ST6GALNAC5: variants seen among roughly 807,000 people sequenced by gnomAD.
ST6GALNAC5 encodes alpha-N-acetylgalactosaminide alpha-2,6-sialyltransferase 5.
ST6GALNAC5 carries 27 observed loss-of-function variants against 33.6 expected under a neutral mutation model. That is an observed-to-expected ratio of 0.80 (90% confidence interval 0.59 to 1.11). The LOEUF (loss-of-function observed/expected upper bound fraction) is 1.11. Among genes scored for constraint, ST6GALNAC5 ranks in the 50% least tolerant of loss-of-function variants. The probability of loss-of-function intolerance (pLI) is 0.00; values close to 1 mark genes in which losing one functional copy is unlikely to be tolerated. For missense variants in ST6GALNAC5, 428 were observed against 454.0 expected (o/e 0.94, Z 0.52); for synonymous variants, 194 against 171.2 (o/e 1.13, Z -1.04).
rs1400574145 is a variant in ST6GALNAC5, at chr1:77,063,092, A to T, written c.897A>T (p.Thr299=). The change falls in exon 5 of 5, where the codon ACA becomes ACT. Residue 299 remains threonine (T), a synonymous_variant. Transcript: ENST00000477717. ...GRKGSHHRFI[T]EKRVFKNWAR... ...AGGGCAGTCATCACCGCTTTATCAC[A>T]GAGAAACGAGTCTTTAAGAACTGGG... is the stretch of plus-strand genomic sequence containing the variant. The T allele has an allele frequency of 3.1e-6, 5 of 1,613,840 alleles. No individual in the cohort carries two copies. In the African/African-American group the frequency reaches 6.7e-5, roughly 22 times the overall value.
chr1:76,913,053 G>A (rs576769496), intron 2 of ST6GALNAC5, among the ~76,000 whole-genome samples: 31 of 152,102 alleles, frequency 2.0e-4, no homozygotes, highest in African/African-American at 7.0e-4. Flanking sequence ...GCAGCGGCTG[G>A]TACCGTTTGT....
At chr1:76,973,739 G>A (rs535317581) in intron 2 of ST6GALNAC5, among the ~76,000 whole-genome samples, 2 of 151,930 alleles carry the variant, frequency 1.3e-5, no homozygotes, top group African/African-American at 4.8e-5. Context: ...TTTTTAATAG[G>A]TATATCTTAA....
At chr1:77,034,801 AG>A (rs1390148064) in intron 2 of ST6GALNAC5, among the ~76,000 whole-genome samples, 3 of 152,140 alleles carry the variant, frequency 2.0e-5, no homozygotes, top group Non-Finnish European at 4.4e-5. Context: ...TTACACTTCT[AG>A]GTTGCAACTT....
At chr1:77,016,296 C>T (rs996756155) in intron 2 of ST6GALNAC5, among the ~76,000 whole-genome samples, 6 of 145,000 alleles carry the variant, frequency 4.1e-5, no homozygotes, top group African/African-American at 1.6e-4. Flanking sequence ...TCCTGTATCT[C>T]CTCCCCCTCC....
At chr1:77,062,468 G>A (rs1652610310) in intron 4 of ST6GALNAC5, among the ~76,000 whole-genome samples, 1 of 152,130 alleles carries the variant, frequency 6.6e-6, no homozygotes, top group Admixed American at 6.6e-5. Context: ...GACCAGAAAG[G>A]CCAGTATGGT....
At chr1:77,002,237 G>T (rs1356119379) in intron 2 of ST6GALNAC5, among the ~76,000 whole-genome samples, 3 of 152,024 alleles carry the variant, frequency 2.0e-5, no homozygotes, top group Non-Finnish European at 4.4e-5. Context: ...ATGTGTCGAG[G>T]AATTTATCCA....
At chr1:76,986,808 T>C (rs927536523) in intron 2 of ST6GALNAC5, among the ~76,000 whole-genome samples, 1 of 152,158 alleles carries the variant, frequency 6.6e-6, no homozygotes, top group Non-Finnish European at 1.5e-5. Context: ...GTGGCACATA[T>C]ACACCATGGA....
intron 2 of ST6GALNAC5, among the ~76,000 whole-genome samples, chr1:77,005,961 G>A (rs778365310): frequency 1.3e-5 from 2 of 152,034 alleles, no homozygotes; most frequent in African/African-American, 4.8e-5. Flanking sequence ...TGGGCATTTG[G>A]GTTGTTTCCA....
intron 2 of ST6GALNAC5, among the ~76,000 whole-genome samples, chr1:76,975,132 A>G (rs1271590425): frequency 1.3e-5 from 2 of 152,036 alleles, no homozygotes; most frequent in Non-Finnish European, 2.9e-5. Context: ...ACGTTATTAA[A>G]TAATAAAGTT....
intron 2 of ST6GALNAC5, among the ~76,000 whole-genome samples, chr1:76,973,482 G>C (rs1464802469): frequency 6.6e-6 from 1 of 151,740 alleles, no homozygotes; most frequent in African/African-American, 2.4e-5. Context: ...CCTTATGAAG[G>C]TTAATCTGCT....
chr1:77,019,158 C>T (rs1650960412), intron 2 of ST6GALNAC5, among the ~76,000 whole-genome samples: 1 of 152,166 alleles, frequency 6.6e-6, no homozygotes, highest in African/African-American at 2.4e-5. Context: ...CCTGGATCTT[C>T]CCAAAGGTCA....
chr1:76,984,591 G>C (rs1304182049), intron 2 of ST6GALNAC5, among the ~76,000 whole-genome samples: 1 of 152,196 alleles, frequency 6.6e-6, no homozygotes, highest in East Asian at 1.9e-4. Flanking sequence ...GAGGTACAAA[G>C]AGGAGCTGTT....
At chr1:77,018,732 A>G (rs889410574) in intron 2 of ST6GALNAC5, among the ~76,000 whole-genome samples, 38 of 152,230 alleles carry the variant, frequency 2.5e-4, no homozygotes, top group African/African-American at 8.9e-4. Context: ...AGTAACTGCC[A>G]CAAGTTTTGA....
At chr1:76,894,923 A>T (rs1407792372) in intron 2 of ST6GALNAC5, among the ~76,000 whole-genome samples, 2 of 152,098 alleles carry the variant, frequency 1.3e-5, no homozygotes, top group African/African-American at 2.4e-5. Context: ...GTGAAGGGAG[A>T]TAAGGATGGG....
chr1:76,933,088 A>G (rs1647161157), intron 2 of ST6GALNAC5, among the ~76,000 whole-genome samples: 1 of 152,116 alleles, frequency 6.6e-6, no homozygotes, highest in Non-Finnish European at 1.5e-5. Flanking sequence ...TTTTTAAAAA[A>G]GAAGAATCTA....
At chr1:76,888,019 A>G (rs181388629) in intron 2 of ST6GALNAC5, among the ~76,000 whole-genome samples, 1 of 152,254 alleles carries the variant, frequency 6.6e-6, no homozygotes, top group African/African-American at 2.4e-5. Context: ...GAACACAGTG[A>G]CCATTTGTTT....
At chr1:77,017,084 G>A (rs1650877447) in intron 2 of ST6GALNAC5, among the ~76,000 whole-genome samples, 1 of 150,522 alleles carries the variant, frequency 6.6e-6, no homozygotes, top group Non-Finnish European at 1.5e-5. Context: ...TTTCTGAGTT[G>A]GTGAGCATGA....
At chr1:76,935,411 G>C (rs1647191236) in intron 2 of ST6GALNAC5, among the ~76,000 whole-genome samples, 1 of 151,956 alleles carries the variant, frequency 6.6e-6, no homozygotes, top group Non-Finnish European at 1.5e-5. Context: ...CTCTATTCTG[G>C]AGTTATTATT....
chr1:76,886,229 C>G (rs1002365166), intron 2 of ST6GALNAC5, among the ~76,000 whole-genome samples: 4 of 152,098 alleles, frequency 2.6e-5, no homozygotes, highest in Non-Finnish European at 5.9e-5. Context: ...TCTTTTTCAT[C>G]TTCTAGTTTT....
Sources: allele counts gnomAD v4.1 joint callset (sites outside exome capture counted in the v4.1 genomes callset), GRCh38; gene constraint gnomAD v4.1.1; transcripts MANE v1.5; gene names NCBI Gene and HGNC (gene_info 2026-07-23, HGNC 2026-07-21).